PHC3: variants seen among roughly 807,000 people sequenced by gnomAD.
PHC3 encodes polyhomeotic-like protein 3.
PHC3 carries 13 observed loss-of-function variants against 107.4 expected under a neutral mutation model. The ratio of observed to expected loss-of-function variants is 0.12; its 90% CI spans 0.08 to 0.19. The LOEUF is 0.19. Among genes scored for constraint, PHC3 ranks in the 10% least tolerant of loss-of-function variants. The pLI, the probability that PHC3 is intolerant of heterozygous loss-of-function variation, is 1.00. For missense variants in PHC3, 992 were observed against 1,210.9 expected, an observed-to-expected ratio of 0.82 and a Z score of 2.68; for synonymous variants, 456 against 427.4, an observed-to-expected ratio of 1.07 and a Z score of -0.83.
intron 10 of PHC3, among the ~76,000 whole-genome samples, chr3:170,116,216 T>C (rs992932855): frequency 1.3e-5 from 2 of 152,200 alleles, no homozygotes; most frequent in Non-Finnish European, 2.9e-5. Context: ...ATATATTTGC[T>C]AATTACAAAC....
At chr3:170,099,552 ACATACAC>A (rs1310046532) in intron 14 of PHC3, among the ~76,000 whole-genome samples, 6 of 152,170 alleles carry the variant, frequency 3.9e-5, no homozygotes, top group African/African-American at 1.4e-4. Context: ...TGTGTACAAA[ACATACAC>A]CAACTGACAC....
chr3:170,172,562 C>T lies in PHC3; in HGVS notation c.331G>A (p.Val111Ile). Residue 111 changes from valine to isoleucine, a missense_variant, in exon 3 of 15, where the codon GTT becomes ATT. Around this residue, in one of 6 missense-constraint regions of PHC3, gnomAD observed 161 missense variants for 183.7 expected, o/e 0.88. Coordinates refer to ENST00000495893, the MANE Select transcript of PHC3 (RefSeq NM_024947.4). ...AACTCTTATTTTAGTCTTACCTGAA[C>T]AGCAGCAAGGCTCTGAAGCTGGGAG... ...SSSQLQSLAA[V>I]QASLSSGRPS... 1 of 1,612,450 alleles carries T rather than the reference C, an allele frequency of 6.2e-7. No individual in the cohort carries two copies. The highest frequency in any genetic ancestry group is 8.5e-7 in the Non-Finnish European group (1 of 1,179,524).
At chr3:170,180,715 T>G (rs1731251914) in intron 1 of PHC3, among the ~76,000 whole-genome samples, 1 of 152,302 alleles carries the variant, frequency 6.6e-6, no homozygotes, top group Non-Finnish European at 1.5e-5. Flanking sequence ...ACCAGTGACA[T>G]GCAAAAGGCC....
intron 5 of PHC3, 31 bp downstream of exon 5, chr3:170,149,055 C>T (rs779030303): frequency 1.9e-5 from 30 of 1,600,622 alleles, no homozygotes; most frequent in Admixed American, 3.4e-5. Flanking sequence ...AGTCCTTAAA[C>T]ACTGAAAAAA....
chr3:170,171,173 AT>A (rs1304750045), intron 4 of PHC3, 199 bp downstream of exon 4: 2 of 575,280 alleles, frequency 3.5e-6, no homozygotes, highest in Non-Finnish European at 6.0e-6. Flanking sequence ...ATACAAAAAG[AT>A]TTTTTTAAGA....
In PHC3 at chr3:170,097,204, T is replaced by G. The variant is rs1330205396; in HGVS notation, c.*26A>C. On this transcript the variant is annotated 3_prime_UTR_variant, in exon 15 of 15. Transcript: ENST00000495893. This position sits in a 1 kb window ranked among gnomAD's most constrained non-coding sequence, Gnocchi z 4.1. ...GTTTTTGTGAGAAAAGTAAAACTGC[T>G]GTTTTATCAAGGCTTCATGTTCCTG... is the stretch of plus-strand genomic sequence containing the variant. 1 of 1,571,324 alleles carries G rather than the reference T, an allele frequency of 6.4e-7. No individual in the cohort carries two copies. Among genetic ancestry groups the G allele is most frequent in the East Asian group, 2.3e-5 (1 of 44,422 alleles).
intron 7 of PHC3, 96 bp downstream of exon 7, chr3:170,136,323 G>T (rs1462715262): frequency 2.1e-6 from 3 of 1,401,370 alleles, no homozygotes; most frequent in South Asian, 2.6e-5. Flanking sequence ...TGTTTTAAAG[G>T]TGTCACTCCT....
intron 2 of PHC3, among the ~76,000 whole-genome samples, chr3:170,175,645 C>G (rs1271297491): frequency 6.6e-6 from 1 of 150,552 alleles, no homozygotes. Flanking sequence ...AAGGGGGGGG[C>G]CAGGCGCAGT....
intron 6 of PHC3, among the ~76,000 whole-genome samples, chr3:170,144,604 T>C (rs1302583846): frequency 6.6e-6 from 1 of 152,192 alleles, no homozygotes; most frequent in Admixed American, 6.5e-5. Context: ...TCACCAGCAA[T>C]GTATGAGAGT....
rs1714512082 is a variant in PHC3 at position 170,095,303 on chromosome 3, C to G, written c.*1927G>C. 1 of 152,116 alleles carries G rather than the reference C, an allele frequency of 6.6e-6. No individual in the cohort carries two copies. Among genetic ancestry groups the G allele is most frequent in the South Asian group, 2.1e-4 (1 of 4,832 alleles). 9.4% of individuals were successfully genotyped at this position (152,116 alleles called of 1,614,324 possible). ...ACATAGACTACAAGCTATCGTAGGTCTGGAACATGAGCCTTATATTATATT... is the reference window on the plus strand; with the variant it reads ...ACATAGACTACAAGCTATCGTAGGTGTGGAACATGAGCCTTATATTATATT... On this transcript the variant is annotated 3_prime_UTR_variant, in exon 15 of 15. Transcript: ENST00000495893.
At chr3:170,173,020 G>A (rs996954611) in intron 2 of PHC3, among the ~76,000 whole-genome samples, 6 of 151,758 alleles carry the variant, frequency 4.0e-5, no homozygotes, top group African/African-American at 4.8e-5. Flanking sequence ...GTGAAACCCC[G>A]TCTCTACTAA....
rs765387844 is a variant in PHC3, at chr3:170,089,490, A to C, written c.*7740T>G. 5.9e-5 allele frequency: 9 copies of C among 152,246 alleles called. No homozygotes were observed. The highest frequency in any genetic ancestry group is 8.8e-5 in the Non-Finnish European group (6 of 68,044). 9.4% of individuals were successfully genotyped at this position (152,246 alleles called of 1,614,324 possible). A position where few individuals can be genotyped will look rare whatever the true frequency, so the allele number is the denominator to read the frequency against. ...TATTACTGATTCTTACATATCTTTAAAAGTTGGATATTTGTAATAGCTTAA... is the reference window on the plus strand; with the variant it reads ...TATTACTGATTCTTACATATCTTTACAAGTTGGATATTTGTAATAGCTTAA... On this transcript the variant is annotated 3_prime_UTR_variant, in exon 15 of 15. Transcript: ENST00000495893.
chr3:170,097,660 A>C lies in PHC3; in HGVS notation c.2834-276T>G, dbSNP rs568527554. ...TAATTCATAAGAGGGAAGTCTAGATATAATACTTCCTTCACAAAAAGGACT... is the reference window on the plus strand; with the variant it reads ...TAATTCATAAGAGGGAAGTCTAGATCTAATACTTCCTTCACAAAAAGGACT... On this transcript the variant is annotated intron_variant, in intron 14 of 14. Transcript: ENST00000495893. The surrounding 1 kb of genome is among the most constrained non-coding windows in gnomAD (Gnocchi z 4.1). Among the ~76,000 whole-genome samples the C allele has an allele frequency of 5.8e-4, 89 of 152,346 alleles. 1 individual carries two copies. Among genetic ancestry groups the C allele is most frequent in the African/African-American group, 2.1e-3 (86 of 41,594 alleles).
At chr3:170,154,105 A>T (rs539431546) in intron 4 of PHC3, among the ~76,000 whole-genome samples, 1 of 152,142 alleles carries the variant, frequency 6.6e-6, no homozygotes, top group Non-Finnish European at 1.5e-5. Context: ...CTTTTAGCAT[A>T]TATTTCTATC....
At chr3:170,110,600 C>G (rs966651808) in intron 11 of PHC3, among the ~76,000 whole-genome samples, 1 of 152,122 alleles carries the variant, frequency 6.6e-6, no homozygotes, top group Non-Finnish European at 1.5e-5. Flanking sequence ...ATCTGTAGCT[C>G]CTTCGTTACC....
At chr3:170,137,903 C>T (rs1291861874) in intron 6 of PHC3, among the ~76,000 whole-genome samples, 1 of 152,058 alleles carries the variant, frequency 6.6e-6, no homozygotes, top group East Asian at 1.9e-4. Context: ...GTCTCCAAAA[C>T]AAGCTGTCCT....
In PHC3 at chr3:170,136,539, A is replaced by C. The variant is rs368080049; in HGVS notation, c.799T>G (p.Ser267Ala). Residue 267 changes from serine to alanine, a missense_variant, in exon 7 of 15, where the codon TCT (serine) becomes GCT (alanine). By Grantham distance (99) the Ser-to-Ala change is moderately conservative (BLOSUM62 1). Around this residue, in one of 6 missense-constraint regions of PHC3, gnomAD observed 543 missense variants for 590.8 expected, o/e 0.92. Coordinates refer to ENST00000495893, the MANE Select transcript of PHC3 (RefSeq NM_024947.4). ...ICHNKTTVTS[S>A]KISQRDPSPE... ...GAAGGATCTCGTTGGCTGATTTTAG[A>C]ACTGGTCACTGTTGTTTTGTTATGA... 3.7e-6 allele frequency: 6 copies of C among 1,612,210 alleles called. No homozygotes were observed. In the African/African-American group the frequency reaches 8.0e-5, roughly 22 times the overall value.
Position 170,146,810 on chromosome 3 carries a change from G to A in PHC3, c.574-1289C>T, listed in dbSNP as rs1171810945. ...AGCCTCCCAAAGTGCTGGGATTACA[G>A]GCGTGAGCCACCGTGCCCAGCTCAA... On this transcript the variant is annotated intron_variant, in intron 5 of 14. Coordinates refer to ENST00000495893, the MANE Select transcript of PHC3 (RefSeq NM_024947.4). Among the ~76,000 whole-genome samples the A allele has an allele frequency of 6.0e-5, 9 of 151,092 alleles. No individual in the cohort carries two copies. The East Asian group carries it at 1.5e-3, about 26-fold the overall frequency.
At chr3:170,153,161 A>G (rs1410115075) in intron 4 of PHC3, among the ~76,000 whole-genome samples, 1 of 152,164 alleles carries the variant, frequency 6.6e-6, no homozygotes, top group Non-Finnish European at 1.5e-5. Flanking sequence ...ATTCCTTTTA[A>G]AACAGCTTCT....
Sources: allele counts gnomAD v4.1 joint callset (sites outside exome capture counted in the v4.1 genomes callset), GRCh38; gene constraint gnomAD v4.1.1; regional missense constraint gnomAD v4.1.1; non-coding constraint Gnocchi (gnomAD v3.1); transcripts MANE v1.5; gene names NCBI Gene and HGNC (gene_info 2026-07-23, HGNC 2026-07-21).